PCDHA10: variants seen among roughly 807,000 people sequenced by gnomAD.
PCDHA10 encodes the protein protocadherin alpha-10.
PCDHA10 carries 45 observed loss-of-function variants against 61.2 expected under a neutral mutation model. The observed-to-expected ratio is 0.74, with a 90% CI of 0.58 to 0.94. The LOEUF (loss-of-function observed/expected upper bound fraction) is 0.94. Ranked by LOEUF, PCDHA10 falls within the 40% of genes least tolerant of loss-of-function variation. The pLI, the probability that PCDHA10 is intolerant of heterozygous loss-of-function variation, is 0.00. For synonymous variants in PCDHA10, 602 were observed against 548.8 expected (o/e 1.10, Z -1.35); for missense variants, 1,278 against 1,236.2 (o/e 1.03, Z -0.51).
chr5:140,938,616 A>G (rs1366566018), intron 1 of PCDHA10, among the ~76,000 whole-genome samples: 1 of 152,130 alleles, frequency 6.6e-6, no homozygotes, highest in Non-Finnish European at 1.5e-5. Flanking sequence ...TCTTGGAATA[A>G]ACTCAGGTTG....
At chr5:140,927,236 T>A in intron 1 of PCDHA10, 3 of 1,614,120 alleles carry the variant, frequency 1.9e-6, no homozygotes, top group Non-Finnish European at 2.5e-6. Context: ...ATTCACGTCC[T>A]GGACACCAAT....
chr5:140,860,143 G>A (rs1226085674), intron 1 of PCDHA10: 2 of 148,758 alleles, frequency 1.3e-5, no homozygotes, highest in Non-Finnish European at 3.0e-5. Context: ...GTATATATAT[G>A]TATATATGTG....
In PCDHA10 at chr5:141,010,461, G is replaced by A; in HGVS notation, c.*524G>A. The A allele has an allele frequency of 1.2e-6, 1 of 823,014 alleles. No homozygotes were observed. The highest frequency in any genetic ancestry group is 1.8e-6 in the Non-Finnish European group (1 of 553,022). The allele number at this position is 823,014 out of a possible 1,614,324, so 51.0% of individuals were successfully genotyped here. A position where few individuals can be genotyped will look rare whatever the true frequency, so the allele number is the denominator to read the frequency against. On this transcript the variant is annotated 3_prime_UTR_variant, in exon 4 of 4. Transcript: ENST00000307360. ...GACAAATAAACAGCGGAAGTTATCA[G>A]TATGGAGGGGAAGTGTAAACTTAAA...
In PCDHA10 at chr5:140,857,683, C is replaced by A; in HGVS notation, c.1635C>A (p.Gly545=). 6.3e-7 allele frequency: 1 copy of A among 1,597,084 alleles called. No homozygotes were observed. Among genetic ancestry groups the A allele is most frequent in the East Asian group, 2.2e-5 (1 of 44,804 alleles). The stretch of plus-strand genomic sequence containing the variant: ...GCGATGGGGGCGTGCCGCCTCTGGG[C>A]AGCAACTTGACGCTGCAGGTGTTCG... ...SARDGGVPPL[G]SNLTLQVFVL... The change falls in exon 1 of 4, where the codon GGC becomes GGA. Residue 545 remains glycine (G), a synonymous_variant. Transcript: ENST00000307360.
intron 3 of PCDHA10, among the ~76,000 whole-genome samples, chr5:140,985,773 T>C (rs945442566): frequency 7.2e-6 from 1 of 138,872 alleles, no homozygotes; most frequent in South Asian, 2.4e-4. Context: ...ACAGTCTCGC[T>C]CTGTCGCCCA....
At chr5:140,969,459 G>A (rs1554231863) in intron 1 of PCDHA10, 1 of 1,503,404 alleles carries the variant, frequency 6.7e-7, no homozygotes, top group Non-Finnish European at 8.9e-7. Flanking sequence ...AGTATATATA[G>A]TATCCACAAT....
intron 1 of PCDHA10, among the ~76,000 whole-genome samples, chr5:140,922,161 A>C (rs1381544563): frequency 1.4e-5 from 2 of 147,172 alleles, no homozygotes; most frequent in African/African-American, 2.5e-5. Flanking sequence ...CAAAAACAAC[A>C]AAAAGTACAG....
chr5:140,916,142 T>C (rs868910993), intron 1 of PCDHA10, among the ~76,000 whole-genome samples: 2 of 151,944 alleles, frequency 1.3e-5, no homozygotes, highest in African/African-American at 4.8e-5. Context: ...GGCTGTTCAG[T>C]TGTGTTGTGG....
chr5:140,915,328 A>G (rs1554196854), intron 1 of PCDHA10, among the ~76,000 whole-genome samples: 1 of 152,100 alleles, frequency 6.6e-6, no homozygotes. Context: ...CAGTGTTATA[A>G]TATTCTGTGT....
chr5:140,856,356 T>A lies in PCDHA10; in HGVS notation c.308T>A (p.Ile103Asn), dbSNP rs782497272. ...ELCGRSVECSIHLEVIVDRPL... is the reference protein window; with the variant it reads ...ELCGRSVECSNHLEVIVDRPL... ...TGCGGGCGGAGCGTGGAGTGCAGCA[T>A]CCACCTGGAGGTGATCGTGGACAGG... The change falls in exon 1 of 4, where the codon ATC becomes AAC. Residue 103 changes from isoleucine to asparagine, a missense_variant. Coordinates refer to ENST00000307360, the MANE Select transcript of PCDHA10 (RefSeq NM_018901.4). 3 of 1,598,530 alleles carry A rather than the reference T, an allele frequency of 1.9e-6. 1 individual carries two copies. Among genetic ancestry groups the A allele is most frequent in the South Asian group, 2.2e-5 (2 of 90,522 alleles).
chr5:140,906,611 C>T (rs2072787341), intron 1 of PCDHA10, among the ~76,000 whole-genome samples: 1 of 152,196 alleles, frequency 6.6e-6, no homozygotes, highest in Non-Finnish European at 1.5e-5. Flanking sequence ...ATTCTGTATT[C>T]CCTTTGCCTT....
At chr5:140,985,936 T>C (rs1379150817) in intron 3 of PCDHA10, among the ~76,000 whole-genome samples, 3 of 152,038 alleles carry the variant, frequency 2.0e-5, no homozygotes, top group Non-Finnish European at 2.9e-5. Context: ...AGCCGGGGTT[T>C]CACTGTGTTA....
intron 1 of PCDHA10, chr5:140,877,813 G>A (rs781966059): frequency 6.2e-7 from 1 of 1,610,266 alleles, no homozygotes; most frequent in Admixed American, 1.7e-5. Context: ...GCTGTCTCGA[G>A]AAGATTGTTT....
intron 3 of PCDHA10, among the ~76,000 whole-genome samples, chr5:140,992,926 A>C (rs2097533873): frequency 6.6e-6 from 1 of 152,226 alleles, no homozygotes; most frequent in African/African-American, 2.4e-5. Context: ...CCATACTTAC[A>C]GCAGCTCTGA....
intron 1 of PCDHA10, chr5:140,870,564 G>T (rs782511789): frequency 1.2e-6 from 2 of 1,613,884 alleles, no homozygotes; most frequent in Non-Finnish European, 1.7e-6. Context: ...AGGAGAACGC[G>T]CTGGTGTCCT....
At chr5:140,915,626 G>GTCTC (rs57920489) in intron 1 of PCDHA10, among the ~76,000 whole-genome samples, 42,931 of 146,342 alleles carry the variant, frequency 0.29, 6,396 homozygotes, top group East Asian at 0.48. Context: ...GTCTCTTTCT[G>GTCTC]TCTCTCTCTC....
At chr5:140,915,582 G>T (rs991142864) in intron 1 of PCDHA10, among the ~76,000 whole-genome samples, 1 of 151,936 alleles carries the variant, frequency 6.6e-6, no homozygotes, top group Non-Finnish European at 1.5e-5. Context: ...CCAGGCAAAA[G>T]CACTTGTTCT....
Position 140,968,677 on chromosome 5 carries a change from G to A in PCDHA10, c.2389-10272G>A, listed in dbSNP as rs781795184. The A allele has an allele frequency of 5.0e-6, 8 of 1,614,156 alleles. No individual in the cohort carries two copies. In the South Asian group the frequency reaches 8.8e-5, roughly 18 times the overall value. ...ACCTGGACCTCTTTAAGGTAGAGCTGCACACAGGAGAAATTAGGACTACCA... is the reference window on the plus strand; with the variant it reads ...ACCTGGACCTCTTTAAGGTAGAGCTACACACAGGAGAAATTAGGACTACCA... On this transcript the variant is annotated intron_variant, in intron 1 of 3. Coordinates refer to ENST00000307360, the MANE Select transcript of PCDHA10 (RefSeq NM_018901.4).
At chr5:140,990,962 T>C (rs2097423975) in intron 3 of PCDHA10, among the ~76,000 whole-genome samples, 2 of 152,180 alleles carry the variant, frequency 1.3e-5, no homozygotes, top group Non-Finnish European at 2.9e-5. Context: ...AATAGTCTCT[T>C]AGAACAAGAG....
Sources: allele counts gnomAD v4.1 joint callset (sites outside exome capture counted in the v4.1 genomes callset), GRCh38; gene constraint gnomAD v4.1.1; transcripts MANE v1.5; gene names NCBI Gene and HGNC (gene_info 2026-07-23, HGNC 2026-07-21).